CNTLN: variants seen among roughly 807,000 people sequenced by gnomAD.
CNTLN encodes the protein centlein.
In CNTLN, 212 loss-of-function variants were observed where a neutral mutation model predicts 180.0. The observed-to-expected ratio is 1.18, with a 90% CI of 1.05 to 1.32. The LOEUF is 1.32. CNTLN is among the 40% of genes most tolerant of loss of function. The pLI, the probability that CNTLN is intolerant of heterozygous loss-of-function variation, is 0.00. For missense variants in CNTLN, 2,095 were observed against 1,610.9 expected (o/e 1.30, Z -5.14); for synonymous variants, 722 against 563.1 (o/e 1.28, Z -3.99).
At chr9:17,295,865 G>A (rs1416485294) in intron 6 of CNTLN, among the ~76,000 whole-genome samples, 1 of 151,988 alleles carries the variant, frequency 6.6e-6, no homozygotes, top group Non-Finnish European at 1.5e-5. Flanking sequence ...TTGAGAGCAT[G>A]CCCAGAAAAT....
At chr9:17,452,592 T>G (rs1453019057) in intron 18 of CNTLN, among the ~76,000 whole-genome samples, 1 of 152,234 alleles carries the variant, frequency 6.6e-6, no homozygotes, top group Non-Finnish European at 1.5e-5. Context: ...TTCTGGATTA[T>G]AGACCAGTAG....
intron 3 of CNTLN, 40 bp downstream of exon 3, chr9:17,226,327 G>T (rs936516319): frequency 1.8e-6 from 2 of 1,091,600 alleles, no homozygotes; most frequent in Non-Finnish European, 2.6e-6. Flanking sequence ...AACTATATTT[G>T]TTTTGGGTAG....
chr9:17,474,083 A>G (rs549238871), intron 23 of CNTLN, among the ~76,000 whole-genome samples: 10 of 151,988 alleles, frequency 6.6e-5, no homozygotes, highest in Admixed American at 3.9e-4. Flanking sequence ...CATTATCTAT[A>G]CTCGCTCTCT....
chr9:17,406,413 C>T (rs946489943), intron 15 of CNTLN, among the ~76,000 whole-genome samples: 3 of 151,792 alleles, frequency 2.0e-5, no homozygotes, highest in African/African-American at 7.3e-5. Context: ...TCGCTGAAAG[C>T]AGGAACTTTT....
chr9:17,190,441 A>G (rs1467546534), intron 2 of CNTLN, among the ~76,000 whole-genome samples: 1 of 152,060 alleles, frequency 6.6e-6, no homozygotes, highest in Non-Finnish European at 1.5e-5. Flanking sequence ...TAATTGTACC[A>G]TGAAAGGATT....
chr9:17,312,384 A>ATATATAATATATATATATATATT (rs1563985021), intron 8 of CNTLN, among the ~76,000 whole-genome samples: 1 of 108,100 alleles, frequency 9.3e-6, no homozygotes, highest in African/African-American at 3.6e-5. Flanking sequence ...ATATATATAT[A>ATATATAATATATATATATATATT]ATTTATTTAT....
At chr9:17,150,849 T>C (rs1435840878) in intron 2 of CNTLN, among the ~76,000 whole-genome samples, 1 of 152,248 alleles carries the variant, frequency 6.6e-6, no homozygotes, top group African/African-American at 2.4e-5. Flanking sequence ...GTAGTTCTCC[T>C]TGAACAGGTC....
chr9:17,189,463 A>G (rs1402562444), intron 2 of CNTLN, among the ~76,000 whole-genome samples: 1 of 148,506 alleles, frequency 6.7e-6, no homozygotes, highest in Non-Finnish European at 1.5e-5. Flanking sequence ...ATTTAATCCC[A>G]CTATTAAGCT....
intron 5 of CNTLN, among the ~76,000 whole-genome samples, chr9:17,267,539 G>A (rs935230989): frequency 6.6e-6 from 1 of 151,846 alleles, no homozygotes; most frequent in African/African-American, 2.4e-5. Context: ...TTCTCGAGGA[G>A]TATCTTTGTG....
the CNTLN span, among the ~76,000 whole-genome samples, chr9:17,527,995 T>C: frequency 1.3e-5 from 2 of 152,034 alleles, no homozygotes; most frequent in Non-Finnish European, 2.9e-5. Flanking sequence ...AATGAGTCCA[T>C]ACTGACACAA....
chr9:17,484,513 T>G, intron 24 of CNTLN, 33 bp downstream of exon 24: 2 of 1,506,432 alleles, frequency 1.3e-6, no homozygotes, highest in Non-Finnish European at 1.8e-6. Context: ...TATTAAAGGG[T>G]TTATTATACA....
chr9:17,374,416 T>A (rs1016893430), intron 13 of CNTLN, among the ~76,000 whole-genome samples: 1 of 152,100 alleles, frequency 6.6e-6, no homozygotes, highest in Non-Finnish European at 1.5e-5. Context: ...AAATGAAATA[T>A]CATCTCATCC....
chr9:17,312,377 TATATATAA>T (rs1195521085), intron 8 of CNTLN, among the ~76,000 whole-genome samples: 4 of 91,658 alleles, frequency 4.4e-5, no homozygotes, highest in African/African-American at 1.6e-4. Flanking sequence ...TATATATATA[TATATATAA>T]TTTATTTATT....
chr9:17,275,665 C>T (rs544933947), intron 6 of CNTLN, among the ~76,000 whole-genome samples: 1 of 152,104 alleles, frequency 6.6e-6, no homozygotes. Context: ...TGGGATATAA[C>T]AACTATGTTT....
At chr9:17,234,387 G>A (rs1563907303) in intron 3 of CNTLN, among the ~76,000 whole-genome samples, 1 of 152,038 alleles carries the variant, frequency 6.6e-6, no homozygotes, top group East Asian at 1.9e-4. Context: ...AGGCTGCCGT[G>A]AGCCATGATT....
chr9:17,504,865 T>C (rs562355788), downstream of CNTLN, among the ~76,000 whole-genome samples: 1 of 152,274 alleles, frequency 6.6e-6, no homozygotes, highest in African/African-American at 2.4e-5. Flanking sequence ...GTGAAACTGA[T>C]TTTGGACATC....
downstream of CNTLN, among the ~76,000 whole-genome samples, chr9:17,508,342 A>G (rs1011979179): frequency 1.3e-5 from 2 of 152,240 alleles, no homozygotes; most frequent in African/African-American, 4.8e-5. Context: ...GAATGGTAAC[A>G]TCTTACATAA....
chr9:17,149,475 A>G (rs911266736), intron 2 of CNTLN, among the ~76,000 whole-genome samples: 1 of 146,146 alleles, frequency 6.8e-6, no homozygotes, highest in East Asian at 2.0e-4. Context: ...TCTCTCCAGC[A>G]TCTGTTGTTT....
chr9:17,436,270 G>A (rs76409755), intron 18 of CNTLN, among the ~76,000 whole-genome samples: 5,229 of 152,082 alleles, frequency 0.034, 135 homozygotes, highest in Non-Finnish European at 0.057. Context: ...TTCCCCTACC[G>A]TCTGAGTCAG....
Sources: gnomAD v4.1 joint callset for allele counts (sites outside exome capture counted in the v4.1 genomes callset) on GRCh38, gnomAD v4.1.1 for gene constraint, MANE v1.5 for transcripts, NCBI Gene and HGNC (gene_info 2026-07-23, HGNC 2026-07-21) for gene names.